ANXA8: variants seen among roughly 807,000 people sequenced by gnomAD.
ANXA8 encodes the protein VAC-beta.
In ANXA8, 9 loss-of-function variants were observed where a neutral mutation model predicts 26.8. The observed-to-expected ratio is 0.34, with a 90% CI of 0.20 to 0.59. The LOEUF (loss-of-function observed/expected upper bound fraction) is 0.59. Among genes scored for constraint, ANXA8 ranks in the 20% least tolerant of loss-of-function variants. The probability of loss-of-function intolerance (pLI) is 0.84; values close to 1 mark genes in which losing one functional copy is unlikely to be tolerated. For synonymous variants in ANXA8, 39 were observed against 94.8 expected (o/e 0.41, Z 3.42); for missense variants, 83 against 238.5 (o/e 0.35, Z 4.29).
At chr10:47,630,534 G>A in the ANXA8 span, among the ~76,000 whole-genome samples, 6 of 147,910 alleles carry the variant, frequency 4.1e-5, no homozygotes, top group South Asian at 1.0e-3. Flanking sequence ...CAATGTTCGA[G>A]ATTGAAGCTT....
At chr10:47,975,630 A>G in the ANXA8 span, among the ~76,000 whole-genome samples, 1 of 151,160 alleles carries the variant, frequency 6.6e-6, no homozygotes, top group Non-Finnish European at 1.5e-5. Context: ...TTCATCTGCA[A>G]ATGAAGATAA....
the ANXA8 span, among the ~76,000 whole-genome samples, chr10:47,693,821 GTT>G: frequency 9.7e-4 from 131 of 135,346 alleles, no homozygotes; most frequent in Admixed American, 1.6e-3. Flanking sequence ...CTGAAATACT[GTT>G]TTTTTTTGGG....
At chr10:47,895,068 CAT>C in the ANXA8 span, among the ~76,000 whole-genome samples, 2 of 152,062 alleles carry the variant, frequency 1.3e-5, no homozygotes, top group Non-Finnish European at 2.9e-5. Context: ...ACCATACTCA[CAT>C]GTGCCACACA....
chr10:47,743,317 T>TACATATATATAC, the ANXA8 span, among the ~76,000 whole-genome samples: 1 of 40,892 alleles, frequency 2.4e-5, no homozygotes, highest in Admixed American at 3.6e-4. Flanking sequence ...TATATACACA[T>TACATATATATAC]ATATATATAT....
the ANXA8 span, among the ~76,000 whole-genome samples, chr10:47,743,720 C>A: frequency 2.3e-4 from 35 of 150,058 alleles, no homozygotes; most frequent in Non-Finnish European, 4.1e-4. Flanking sequence ...GGTCCGGCTG[C>A]GGGCCACAGG....
the ANXA8 span, among the ~76,000 whole-genome samples, chr10:47,975,951 C>G: frequency 6.7e-6 from 1 of 149,068 alleles, no homozygotes; most frequent in Non-Finnish European, 1.5e-5. Flanking sequence ...GAACAACTTT[C>G]CTGAAATAAA....
the ANXA8 span, among the ~76,000 whole-genome samples, chr10:47,508,935 CA>C: frequency 2.3e-5 from 3 of 128,150 alleles, no homozygotes; most frequent in Non-Finnish European, 4.7e-5. Flanking sequence ...GACAACAGTG[CA>C]CTACTGATTC....
upstream of ANXA8, among the ~76,000 whole-genome samples, chr10:47,488,319 TC>T (rs1187635843): frequency 7.0e-6 from 1 of 142,848 alleles, no homozygotes; most frequent in Non-Finnish European, 1.5e-5. Flanking sequence ...CAAGGGAGTC[TC>T]CTGCCTCAGA....
the ANXA8 span, among the ~76,000 whole-genome samples, chr10:47,605,977 T>A: frequency 6.7e-6 from 1 of 150,232 alleles, no homozygotes. Context: ...AAGTATAGAC[T>A]TCAAAAGTAT....
At chr10:47,688,426 AT>A in the ANXA8 span, among the ~76,000 whole-genome samples, 187 of 140,076 alleles carry the variant, frequency 1.3e-3, 1 homozygote, top group East Asian at 2.2e-3. Context: ...AAAATGAGTA[AT>A]TTTTTTTTTT....
chr10:47,497,680 G>C, the ANXA8 span, among the ~76,000 whole-genome samples: 1 of 146,516 alleles, frequency 6.8e-6, no homozygotes, highest in African/African-American at 2.5e-5. Flanking sequence ...GCTCACACCT[G>C]TAATCCCAGA....
the ANXA8 span, among the ~76,000 whole-genome samples, chr10:47,560,048 C>T: frequency 0.29 from 41,179 of 143,706 alleles, 7,211 homozygotes; most frequent in African/African-American, 0.5. Flanking sequence ...GAACATGTCT[C>T]TTGTTATACA....
the ANXA8 span, among the ~76,000 whole-genome samples, chr10:47,627,251 C>T: frequency 3.3e-5 from 5 of 150,048 alleles, no homozygotes; most frequent in South Asian, 2.1e-4. Context: ...ATGTAGCACT[C>T]ATACTGTCAT....
At chr10:47,727,406 T>C in the ANXA8 span, among the ~76,000 whole-genome samples, 1 of 152,248 alleles carries the variant, frequency 6.6e-6, no homozygotes, top group African/African-American at 2.4e-5. Context: ...TAGCCTCAGA[T>C]CCTCTAAGCT....
chr10:47,733,207 TTCTTTCTTTCTTTCTCTTTCTTTCTC>T, the ANXA8 span, among the ~76,000 whole-genome samples: 4 of 90,064 alleles, frequency 4.4e-5, no homozygotes, highest in Admixed American at 3.6e-4. Flanking sequence ...CTTTCTTTCT[TTCTTTCTTTCTTTCTCTTTCTTTCTC>T]TCTTTCTTTC....
At chr10:47,666,815 T>C in the ANXA8 span, among the ~76,000 whole-genome samples, 2 of 151,972 alleles carry the variant, frequency 1.3e-5, no homozygotes, top group African/African-American at 2.4e-5. Context: ...CATTTCCTCT[T>C]CTCATAGGTA....
chr10:47,954,827 C>T, the ANXA8 span, among the ~76,000 whole-genome samples: 1 of 151,070 alleles, frequency 6.6e-6, no homozygotes, highest in Non-Finnish European at 1.5e-5. Context: ...GGGAAAAACC[C>T]CAGACAGTAG....
At chr10:47,769,218 C>T in the ANXA8 span, among the ~76,000 whole-genome samples, 1 of 148,474 alleles carries the variant, frequency 6.7e-6, no homozygotes. Flanking sequence ...TTTCAAAGGG[C>T]CCATTTGAGC....
At chr10:47,626,395 G>T in the ANXA8 span, among the ~76,000 whole-genome samples, 1 of 150,266 alleles carries the variant, frequency 6.7e-6, no homozygotes, top group Non-Finnish European at 1.5e-5. Flanking sequence ...AATGTGGAAA[G>T]AAATATCCTT....
Sources: allele counts gnomAD v4.1 joint callset (sites outside exome capture counted in the v4.1 genomes callset), GRCh38; gene constraint gnomAD v4.1.1; transcripts MANE v1.5; gene names NCBI Gene and HGNC (gene_info 2026-07-23, HGNC 2026-07-21).